Variants in LY75 observed in about 807,000 individuals in gnomAD.
The protein encoded by LY75 is lymphocyte antigen 75.
A neutral mutation model predicts 231.7 loss-of-function variants in LY75; 185 were observed. The ratio of observed to expected loss-of-function variants is 0.80; its 90% CI spans 0.71 to 0.90. LY75 has a LOEUF of 0.90. LY75 is among the 40% of genes least tolerant of loss of function. LY75 has a pLI of 0.00. For synonymous variants in LY75, 668 were observed against 689.0 expected (o/e 0.97, Z 0.48); for missense variants, 1,947 against 2,050.2 (o/e 0.95, Z 0.97).
intron 15 of LY75, 136 bp from the exon 16 acceptor site, chr2:159,858,612 A>C: frequency 1.0e-6 from 1 of 952,786 alleles, no homozygotes; most frequent in Non-Finnish European, 1.5e-6. Flanking sequence ...TGAACACATG[A>C]ATTAATGGAA....
intron 9 of LY75, 123 bp downstream of exon 9, chr2:159,879,136 A>G (rs1267994297): frequency 1.8e-6 from 2 of 1,135,488 alleles, no homozygotes; most frequent in Non-Finnish European, 2.4e-6. Flanking sequence ...GTTCTAACTT[A>G]AATGAACAGA....
chr2:159,807,099 C>A lies in LY75; in HGVS notation c.4864G>T (p.Val1622Phe), dbSNP rs910938270. Residue 1622 changes from valine (V) to phenylalanine (F), a missense_variant, in exon 34 of 35, where the codon GTC becomes TTC. Transcript: ENST00000263636. ...CTCTTACTTTTATTTTCCCATTTGACAAATGTCACTTCTGATCCATCTAAC... is the reference window on the plus strand; with the variant it reads ...CTCTTACTTTTATTTTCCCATTTGAAAAATGTCACTTCTGATCCATCTAAC... ...SWLDGSEVTF[V>F]KWENKSKSGV... 1.9e-6 allele frequency: 3 copies of A among 1,613,786 alleles called. No homozygotes were observed. Among genetic ancestry groups the A allele is most frequent in the African/African-American group, 1.3e-5 (1 of 74,896 alleles).
Position 159,864,873 on chromosome 2 carries a change from A to T in LY75, c.2165T>A (p.Leu722Ter). Residue 722 changes from leucine to a stop codon, truncating the protein, a stop_gained, in exon 14 of 35, where the codon TTA (leucine) becomes TAA (stop). Coordinates refer to ENST00000263636, the MANE Select transcript of LY75 (RefSeq NM_002349.4). LOFTEE classifies it high-confidence loss of function. ...WIGLNKRSPD[L>*]QGSWQWSDRT... ...ATCACTCCATTGCCAGGATCCTTGT[A>T]AATCTGGGCTCCTTTTATTCAAACC... is the stretch of plus-strand genomic sequence containing the variant. The T allele has an allele frequency of 6.2e-7, 1 of 1,604,788 alleles. No individual in the cohort carries two copies. The highest frequency in any genetic ancestry group is 8.5e-7 in the Non-Finnish European group (1 of 1,175,624).
chr2:159,848,643 C>T (rs1684292328), intron 23 of LY75, among the ~76,000 whole-genome samples: 1 of 152,100 alleles, frequency 6.6e-6, no homozygotes, highest in Non-Finnish European at 1.5e-5. Flanking sequence ...AGTATATATA[C>T]TATGATCTCA....
intron 28 of LY75, among the ~76,000 whole-genome samples, chr2:159,826,899 G>A (rs1248728797): frequency 6.6e-6 from 1 of 152,160 alleles, no homozygotes; most frequent in African/African-American, 2.4e-5. Flanking sequence ...AAACTGGCTA[G>A]CCATATGCAG....
Position 159,860,747 on chromosome 2 carries a change from T to C in LY75, c.2268+74A>G, listed in dbSNP as rs552450449. On this transcript the variant is annotated intron_variant, in intron 15 of 34. Coordinates refer to ENST00000263636, the MANE Select transcript of LY75 (RefSeq NM_002349.4). ...ATGCTTCACATAAAAAGACACTCCA[T>C]GGATCTGTTACTTGACTGCATATGA... The C allele has an allele frequency of 4.0e-5, 62 of 1,562,470 alleles. 1 individual carries two copies. In the South Asian group the frequency reaches 6.8e-4, roughly 17 times the overall value.
intron 24 of LY75, among the ~76,000 whole-genome samples, chr2:159,842,044 T>A (rs894222088): frequency 6.6e-6 from 1 of 152,088 alleles, no homozygotes; most frequent in Non-Finnish European, 1.5e-5. Flanking sequence ...AAAAATTTTT[T>A]CGGCTTTTAT....
intron 2 of LY75, among the ~76,000 whole-genome samples, chr2:159,895,045 CG>C (rs776759842): frequency 1.3e-5 from 2 of 152,238 alleles, no homozygotes; most frequent in East Asian, 3.9e-4. Flanking sequence ...ATCTTATCAC[CG>C]TTTACCAGGC....
At chr2:159,843,606 A>G (rs563043899) in intron 23 of LY75, among the ~76,000 whole-genome samples, 9 of 152,236 alleles carry the variant, frequency 5.9e-5, no homozygotes, top group Admixed American at 2.6e-4. Flanking sequence ...CTTGCAGATA[A>G]GAAATTGAGG....
chr2:159,904,634 G>A lies in LY75; in HGVS notation c.49C>T (p.Leu17=), dbSNP rs749609690. Reference sequence around the variant, plus strand: ...GCGAGATCGAAGAACCAGAAGAGCAGCATGAGGAGCCCCGCCGGGCGGCGA... The same window carrying A: ...GCGAGATCGAAGAACCAGAAGAGCAACATGAGGAGCCCCGCCGGGCGGCGA... ...TPRRPAGLLM[L]LFWFFDLAEP... Residue 17 remains leucine, a synonymous_variant, in exon 1 of 35, where the codon CTG becomes TTG. Coordinates refer to ENST00000263636, the MANE Select transcript of LY75 (RefSeq NM_002349.4). 2.0e-6 allele frequency: 3 copies of A among 1,501,352 alleles called. No individual in the cohort carries two copies. Among genetic ancestry groups the A allele is most frequent in the South Asian group, 1.2e-5 (1 of 80,446 alleles). The allele number at this position is 1,501,352 out of a possible 1,614,324, so 93.0% of individuals were successfully genotyped here.
chr2:159,809,821 G>A (rs1175555996), intron 32 of LY75, among the ~76,000 whole-genome samples: 2 of 151,700 alleles, frequency 1.3e-5, no homozygotes, highest in Non-Finnish European at 2.9e-5. Flanking sequence ...GGGATTACAG[G>A]TGCACGCCAC....
intron 21 of LY75, among the ~76,000 whole-genome samples, chr2:159,850,800 T>TATATATATATATATATATATATATATATA (rs1560081076): frequency 1.7e-5 from 1 of 59,426 alleles, no homozygotes; most frequent in Non-Finnish European, 3.5e-5. Context: ...ATATATATAT[T>TATATATATATATATATATATATATATATA]ATATCTTATA....
chr2:159,857,357 C>G (rs1684577420), intron 16 of LY75, among the ~76,000 whole-genome samples: 1 of 152,158 alleles, frequency 6.6e-6, no homozygotes, highest in Non-Finnish European at 1.5e-5. Context: ...CCTTTAGTTT[C>G]AATGATCTGT....
At chr2:159,874,317 ATGTT>A (rs1333659263) in intron 12 of LY75, among the ~76,000 whole-genome samples, 6 of 30,432 alleles carry the variant, frequency 2.0e-4, no homozygotes, top group Admixed American at 3.6e-4. Context: ...AAATATATAT[ATGTT>A]TTGTAAATCT....
intron 15 of LY75, among the ~76,000 whole-genome samples, chr2:159,860,540 T>C (rs770571370): frequency 4.6e-5 from 7 of 152,292 alleles, no homozygotes; most frequent in Non-Finnish European, 8.8e-5. Flanking sequence ...GAAATGGCCA[T>C]GGGACTCACT....
rs1446157900 is a variant in LY75 at position 159,850,738 on chromosome 2, C to T, written c.2884-271G>A. Among the ~76,000 whole-genome samples, 31 of 121,372 alleles carry T rather than the reference C, an allele frequency of 2.6e-4. 1 individual carries two copies. 79.6% of individuals were successfully genotyped at this position (121,372 alleles called of 152,430 possible). A position where few individuals can be genotyped will look rare whatever the true frequency, so the allele number is the denominator to read the frequency against. ...AGCTTCCAGGCTCAAGCTACCTTCTCAATTGAAACAACTGAAGAGCGGTCT... is the reference window on the plus strand; with the variant it reads ...AGCTTCCAGGCTCAAGCTACCTTCTTAATTGAAACAACTGAAGAGCGGTCT... On this transcript the variant is annotated intron_variant, in intron 21 of 34. Transcript: ENST00000263636.
chr2:159,835,636 T>A lies in LY75; in HGVS notation c.3517A>T (p.Asn1173Tyr). 1 of 1,613,482 alleles carries A rather than the reference T, an allele frequency of 6.2e-7. No individual in the cohort carries two copies. Among genetic ancestry groups the A allele is most frequent in the Non-Finnish European group, 8.5e-7 (1 of 1,179,704 alleles). Reference protein sequence around the residue: ...IGLFSQDDELNFGWSDGKRLH... With the variant: ...IGLFSQDDELYFGWSDGKRLH... ...CGTTTCCCATCTGACCAACCAAAGT[T>A]GAGTTCATCCTGTAAGGAGCAGAAG... The change falls in exon 26 of 35, where the codon AAC (asparagine) becomes TAC (tyrosine). Residue 1173 changes from asparagine (N) to tyrosine (Y), a missense_variant. Coordinates refer to ENST00000263636, the MANE Select transcript of LY75 (RefSeq NM_002349.4).
intron 11 of LY75, among the ~76,000 whole-genome samples, chr2:159,877,079 A>T (rs367669603): frequency 1.3e-5 from 2 of 151,598 alleles, no homozygotes; most frequent in East Asian, 3.9e-4. Flanking sequence ...TTTATCCATT[A>T]GAGTGTTCTT....
chr2:159,806,475 G>A (rs1011704258), intron 34 of LY75, among the ~76,000 whole-genome samples: 1 of 152,026 alleles, frequency 6.6e-6, no homozygotes, highest in African/African-American at 2.4e-5. Flanking sequence ...ACATTTTAAT[G>A]GTAATTTTAT....
Sources: allele counts gnomAD v4.1 joint callset (sites outside exome capture counted in the v4.1 genomes callset), GRCh38; gene constraint gnomAD v4.1.1; transcripts MANE v1.5; gene names NCBI Gene and HGNC (gene_info 2026-07-23, HGNC 2026-07-21).